The following SLC14A2 variants were observed in gnomAD, a reference collection of about 807,000 sequenced individuals.
SLC14A2 encodes the protein solute carrier family 14 member 2.
In SLC14A2, 91 loss-of-function variants were observed where a neutral mutation model predicts 104.6. The observed-to-expected ratio is 0.87, with a 90% CI of 0.73 to 1.04. The LOEUF is 1.04. Among genes scored for constraint, SLC14A2 ranks in the 50% least tolerant of loss-of-function variants. SLC14A2 has a pLI of 0.00. For synonymous variants in SLC14A2, 476 were observed against 466.4 expected, an observed-to-expected ratio of 1.02 and a Z score of -0.27; for missense variants, 1,189 against 1,156.0, an observed-to-expected ratio of 1.03 and a Z score of -0.41.
chr18:45,565,069 C>A (rs78229518), intron 2 of SLC14A2, among the ~76,000 whole-genome samples: 1 of 151,922 alleles, frequency 6.6e-6, no homozygotes, highest in Non-Finnish European at 1.5e-5. Flanking sequence ...TTCGTGCATG[C>A]GTTTATAGAC....
intron 1 of SLC14A2, among the ~76,000 whole-genome samples, chr18:45,448,558 A>T (rs567547259): frequency 2.0e-5 from 3 of 152,164 alleles, no homozygotes; most frequent in South Asian, 2.1e-4. Flanking sequence ...CCACATGCAG[A>T]ATTTTAGATA....
intron 2 of SLC14A2, among the ~76,000 whole-genome samples, chr18:45,498,718 CT>C (rs1375034966): frequency 1.3e-5 from 2 of 152,264 alleles, no homozygotes; most frequent in South Asian, 4.2e-4. Context: ...ATTAGTCTTC[CT>C]CCCATTTTAA....
chr18:45,539,550 C>A (rs2043852288), intron 2 of SLC14A2, among the ~76,000 whole-genome samples: 2 of 152,218 alleles, frequency 1.3e-5, no homozygotes, highest in African/African-American at 4.8e-5. Flanking sequence ...TCAGCCAGCT[C>A]TGCTGGAGCC....
chr18:45,506,300 A>G (rs2043284096), intron 2 of SLC14A2, among the ~76,000 whole-genome samples: 1 of 152,076 alleles, frequency 6.6e-6, no homozygotes, highest in Non-Finnish European at 1.5e-5. Context: ...ACCTCCACAG[A>G]GCCTTCTTCT....
chr18:45,454,472 A>C (rs1415642692), intron 1 of SLC14A2, among the ~76,000 whole-genome samples: 3 of 152,168 alleles, frequency 2.0e-5, no homozygotes, highest in Non-Finnish European at 2.9e-5. Flanking sequence ...CACTCTGCTG[A>C]TAGTTTCTTT....
chr18:45,593,548 G>A (rs540499698), intron 2 of SLC14A2, among the ~76,000 whole-genome samples: 1 of 126,168 alleles, frequency 7.9e-6, no homozygotes, highest in Admixed American at 9.6e-5. Flanking sequence ...GGAGTGCAGT[G>A]GCACGATCTC....
intron 1 of SLC14A2, among the ~76,000 whole-genome samples, chr18:45,469,274 C>T (rs889522089): frequency 6.6e-6 from 1 of 152,134 alleles, no homozygotes; most frequent in Non-Finnish European, 1.5e-5. Context: ...GCTCCGAAAG[C>T]CTTGAAATCA....
At chr18:45,390,045 A>G (rs901909989) in intron 1 of SLC14A2, among the ~76,000 whole-genome samples, 4 of 152,184 alleles carry the variant, frequency 2.6e-5, no homozygotes, top group Non-Finnish European at 5.9e-5. Flanking sequence ...TAAAGTTAAA[A>G]TCTCGTTGGT....
intron 2 of SLC14A2, among the ~76,000 whole-genome samples, chr18:45,548,270 G>C (rs2044004086): frequency 6.6e-6 from 1 of 152,228 alleles, no homozygotes; most frequent in Non-Finnish European, 1.5e-5. Flanking sequence ...CTACCAGAAA[G>C]ACACTTTGTG....
chr18:45,487,423 C>T (rs922459861), intron 2 of SLC14A2, among the ~76,000 whole-genome samples: 2 of 152,212 alleles, frequency 1.3e-5, no homozygotes, highest in Admixed American at 6.5e-5. Flanking sequence ...TCCCTCTTGA[C>T]ATATAAGGCA....
the SLC14A2 span, among the ~76,000 whole-genome samples, chr18:45,182,189 T>C: frequency 4.6e-4 from 70 of 151,948 alleles, no homozygotes; most frequent in Middle Eastern, 3.5e-3. Context: ...AATTATGAAA[T>C]AGGAAAATTA....
the SLC14A2 span, among the ~76,000 whole-genome samples, chr18:45,203,678 T>C: frequency 6.6e-6 from 1 of 152,214 alleles, no homozygotes; most frequent in Admixed American, 6.5e-5. Flanking sequence ...ATTTCACATA[T>C]GGCATCTTTC....
At chr18:45,505,409 C>T (rs1485907011) in intron 2 of SLC14A2, among the ~76,000 whole-genome samples, 1 of 152,030 alleles carries the variant, frequency 6.6e-6, no homozygotes, top group Non-Finnish European at 1.5e-5. Context: ...GAAAATGGAA[C>T]CAAAAAAGAG....
At chr18:45,240,091 CTTTTTTT>C (rs763802776) in intron 1 of SLC14A2, among the ~76,000 whole-genome samples, 12 of 89,652 alleles carry the variant, frequency 1.3e-4, no homozygotes, top group East Asian at 3.2e-4. Context: ...GCAAATATCT[CTTTTTTT>C]TTTTTTTTTT....
At chr18:45,537,783 CT>C (rs1364628126) in intron 2 of SLC14A2, among the ~76,000 whole-genome samples, 11 of 152,134 alleles carry the variant, frequency 7.2e-5, no homozygotes, top group Non-Finnish European at 1.3e-4. Flanking sequence ...AGAGTTGCCC[CT>C]AACTGCAATG....
intron 1 of SLC14A2, among the ~76,000 whole-genome samples, chr18:45,382,474 CT>C (rs2085849789): frequency 6.6e-6 from 1 of 152,192 alleles, no homozygotes; most frequent in Non-Finnish European, 1.5e-5. Context: ...GTCTCCATGA[CT>C]TGGTCTGCAA....
chr18:45,658,596 GA>G lies in SLC14A2; in HGVS notation c.1352-5188del, dbSNP rs2045882896. Among the ~76,000 whole-genome samples the G allele has an allele frequency of 4.0e-5, 6 of 151,670 alleles. No individual in the cohort carries two copies. In the South Asian group the frequency reaches 1.3e-3, roughly 32 times the overall value. On this transcript the variant is annotated intron_variant, in intron 10 of 19. Coordinates refer to ENST00000255226, the MANE Select transcript of SLC14A2 (RefSeq NM_007163.4). ...ACTCCAACTCAAAAAAAAAAAACCT[GA>G]GAAAGACAACTCACAGAAAGTGTAG...
rs1213076075 is a variant in SLC14A2, at chr18:45,422,298, A to C, written c.-124-60935A>C. ...AATGAGGTATGAGAAGGTCCCAATA[A>C]AGGTGTGGTCTGTGAATATAGAGAT... On this transcript the variant is annotated intron_variant, in intron 1 of 20. Coordinates refer to the SLC14A2 transcript ENST00000586448. Among the ~76,000 whole-genome samples the C allele has an allele frequency of 2.6e-5, 4 of 152,198 alleles. No individual in the cohort carries two copies. The East Asian group carries it at 5.8e-4, about 22-fold the overall frequency.
At chr18:45,630,347 T>A (rs1318014721) in intron 4 of SLC14A2, among the ~76,000 whole-genome samples, 1 of 152,200 alleles carries the variant, frequency 6.6e-6, no homozygotes, top group African/African-American at 2.4e-5. Flanking sequence ...ATTCTAAGCA[T>A]GACCTCCATC....
Sources: gnomAD v4.1 joint callset for allele counts (sites outside exome capture counted in the v4.1 genomes callset) on GRCh38, gnomAD v4.1.1 for gene constraint, MANE v1.5 for transcripts, NCBI Gene and HGNC (gene_info 2026-07-23, HGNC 2026-07-21) for gene names.